The following CABCOCO1 variants were observed in gnomAD, a reference collection of about 807,000 sequenced individuals.
CABCOCO1 encodes ciliary-associated calcium-binding coiled-coil protein 1.
CABCOCO1 carries 28 observed loss-of-function variants against 35.7 expected under a neutral mutation model. The ratio of observed to expected loss-of-function variants is 0.78; its 90% CI spans 0.58 to 1.07. CABCOCO1 has a LOEUF of 1.07. Ranked by LOEUF, CABCOCO1 falls within the 50% of genes least tolerant of loss-of-function variation. CABCOCO1 has a pLI of 0.00. For synonymous variants in CABCOCO1, 95 were observed against 100.1 expected (o/e 0.95, Z 0.30); for missense variants, 326 against 309.2 (o/e 1.05, Z -0.41).
At chr10:61,763,004 G>C (rs776415044) in intron 7 of CABCOCO1, among the ~76,000 whole-genome samples, 1 of 151,982 alleles carries the variant, frequency 6.6e-6, no homozygotes, top group Non-Finnish European at 1.5e-5. Flanking sequence ...CTGGCTCTAA[G>C]AACTGCCATA....
chr10:61,680,314 A>AT (rs1839671249), intron 2 of CABCOCO1, among the ~76,000 whole-genome samples: 4 of 137,768 alleles, frequency 2.9e-5, no homozygotes, highest in East Asian at 4.1e-4. Flanking sequence ...CTGTCTCAAA[A>AT]AAAATATATA....
chr10:61,761,192 C>A (rs1328799760), intron 7 of CABCOCO1, among the ~76,000 whole-genome samples, 189 bp downstream of exon 7: 1 of 151,682 alleles, frequency 6.6e-6, no homozygotes, highest in East Asian at 1.9e-4. Context: ...ATAGATTTTC[C>A]AACAGCATCT....
intron 5 of CABCOCO1, among the ~76,000 whole-genome samples, chr10:61,697,458 T>C (rs960752214): frequency 1.1e-4 from 17 of 152,064 alleles, no homozygotes; most frequent in African/African-American, 4.1e-4. Flanking sequence ...TGAATAGTGT[T>C]CCCATTTATT....
At chr10:61,708,706 A>T in intron 5 of CABCOCO1, among the ~76,000 whole-genome samples, 1 of 152,086 alleles carries the variant, frequency 6.6e-6, no homozygotes, top group East Asian at 1.9e-4. Flanking sequence ...TCTTCATACC[A>T]TACGTTGGGG....
At chr10:61,673,606 A>C (rs2068754) in intron 2 of CABCOCO1, among the ~76,000 whole-genome samples, 19,756 of 152,236 alleles carry the variant, frequency 0.13, 1,579 homozygotes, top group East Asian at 0.23. Context: ...CACTACTGAG[A>C]AGGGAATATG....
intron 1 of CABCOCO1, among the ~76,000 whole-genome samples, chr10:61,664,810 T>G (rs912157246): frequency 6.6e-6 from 1 of 152,196 alleles, no homozygotes; most frequent in Admixed American, 6.5e-5. Context: ...CTGCCACCCA[T>G]TTGTGCTGAT....
At chr10:61,683,982 C>T (rs1158168290) in intron 3 of CABCOCO1, among the ~76,000 whole-genome samples, 4 of 152,108 alleles carry the variant, frequency 2.6e-5, no homozygotes, top group Non-Finnish European at 5.9e-5. Context: ...TCTCTTTTCT[C>T]TGCATCTCTA....
intron 2 of CABCOCO1, among the ~76,000 whole-genome samples, chr10:61,680,722 A>G (rs1264187921): frequency 1.6e-5 from 2 of 127,154 alleles, no homozygotes; most frequent in African/African-American, 5.7e-5. Flanking sequence ...TATAACATAT[A>G]TATTATATAT....
chr10:61,757,646 G>C (rs1759376162), intron 5 of CABCOCO1, among the ~76,000 whole-genome samples: 2 of 151,724 alleles, frequency 1.3e-5, no homozygotes, highest in Non-Finnish European at 2.9e-5. Context: ...TGATGATGTG[G>C]AAGCTGGGAA....
rs1564527359 is a variant in CABCOCO1, at chr10:61,666,991, A to ATT, written c.60+3960_60+3961insTT. On this transcript the variant is annotated intron_variant, in intron 1 of 7. Transcript: ENST00000648843. The stretch of plus-strand genomic sequence containing the variant: ...ATATATTATATATAAATATAATTAT[A>ATT]TATTATATATAAATTTCATATAGTA... Among the ~76,000 whole-genome samples, 4 of 142,038 alleles carry ATT rather than the reference A, an allele frequency of 2.8e-5. No individual in the cohort carries two copies. In the East Asian group the frequency reaches 7.8e-4, roughly 28 times the overall value. 93.2% of individuals were successfully genotyped at this position (142,038 alleles called of 152,430 possible).
rs575668163 is a variant in CABCOCO1, at chr10:61,738,641, AAT to A, written c.553-21415_553-21414del. ...ATAACATATTTTGTCTTCTCAAAAAAATATGTTGTCTTATAATTGTAACTAAA... is the reference window on the plus strand; with the variant it reads ...ATAACATATTTTGTCTTCTCAAAAAAATGTTGTCTTATAATTGTAACTAAA... On this transcript the variant is annotated intron_variant, in intron 5 of 7. Coordinates refer to ENST00000648843, the MANE Select transcript of CABCOCO1 (RefSeq NM_001366906.2). Among the ~76,000 whole-genome samples the A allele has an allele frequency of 1.1e-3, 170 of 152,354 alleles. 1 individual carries two copies. Among genetic ancestry groups the A allele is most frequent in the African/African-American group, 3.9e-3 (161 of 41,586 alleles).
At chr10:61,722,982 G>A (rs1205983067) in intron 5 of CABCOCO1, among the ~76,000 whole-genome samples, 2 of 152,146 alleles carry the variant, frequency 1.3e-5, no homozygotes, top group Non-Finnish European at 2.9e-5. Context: ...AAGTAGAAAA[G>A]CTGTTCACAT....
chr10:61,710,253 AGTGTGTGTGTGT>A (rs55784501), intron 5 of CABCOCO1, among the ~76,000 whole-genome samples: 19,361 of 146,500 alleles, frequency 0.13, 1,609 homozygotes, highest in African/African-American at 0.22. Flanking sequence ...TGTGTGTGTG[AGTGTGTGTGTGT>A]GTGTGTGTGT....
chr10:61,666,416 G>A (rs1839174170), intron 1 of CABCOCO1, among the ~76,000 whole-genome samples: 1 of 152,166 alleles, frequency 6.6e-6, no homozygotes, highest in South Asian at 2.1e-4. Context: ...AAATATTGTT[G>A]AGAAAACAGT....
intron 5 of CABCOCO1, among the ~76,000 whole-genome samples, chr10:61,742,877 C>A (rs745400478): frequency 3.9e-5 from 6 of 152,112 alleles, no homozygotes; most frequent in Non-Finnish European, 7.4e-5. Flanking sequence ...TTTCTGTACT[C>A]TTCTAGTCCT....
chr10:61,671,259 G>A (rs944442366), intron 1 of CABCOCO1, among the ~76,000 whole-genome samples: 1 of 151,914 alleles, frequency 6.6e-6, no homozygotes, highest in African/African-American at 2.4e-5. Flanking sequence ...CTGGGAGGCG[G>A]AGCTTGCAGT....
intron 5 of CABCOCO1, among the ~76,000 whole-genome samples, chr10:61,749,431 T>A (rs74586203): frequency 6.6e-6 from 1 of 152,346 alleles, no homozygotes; most frequent in African/African-American, 2.4e-5. Flanking sequence ...GTTCTCAGAT[T>A]TCTTTATGCA....
intron 5 of CABCOCO1, among the ~76,000 whole-genome samples, chr10:61,693,929 G>C (rs1840225058): frequency 6.6e-6 from 1 of 151,934 alleles, no homozygotes; most frequent in African/African-American, 2.4e-5. Context: ...ATTCAATGTA[G>C]GTATCTTATT....
chr10:61,692,301 A>T (rs1474060710), intron 5 of CABCOCO1, among the ~76,000 whole-genome samples: 2 of 152,186 alleles, frequency 1.3e-5, no homozygotes, highest in South Asian at 2.1e-4. Flanking sequence ...TCTTTTGAGA[A>T]GTGTCTGTTC....
Sources: gnomAD v4.1 joint callset for allele counts (sites outside exome capture counted in the v4.1 genomes callset) on GRCh38, gnomAD v4.1.1 for gene constraint, MANE v1.5 for transcripts, NCBI Gene and HGNC (gene_info 2026-07-23, HGNC 2026-07-21) for gene names.